Variants in STK32B observed in about 807,000 individuals in gnomAD.
STK32B encodes serine/threonine kinase 32B, also known as serine/threonine-protein kinase 32B.
A neutral mutation model predicts 52.6 loss-of-function variants in STK32B; 43 were observed. The ratio of observed to expected loss-of-function variants is 0.82; its 90% CI spans 0.64 to 1.05. The LOEUF is 1.05. Ranked by LOEUF, STK32B falls within the 50% of genes least tolerant of loss-of-function variation. The probability of loss-of-function intolerance (pLI) is 0.00; values close to 1 mark genes in which losing one functional copy is unlikely to be tolerated. For missense variants in STK32B, 621 were observed against 534.6 expected, an observed-to-expected ratio of 1.16 and a Z score of -1.59; for synonymous variants, 238 against 204.3, an observed-to-expected ratio of 1.17 and a Z score of -1.41.
At chr4:5,227,523 G>T (rs994797917) in intron 3 of STK32B, among the ~76,000 whole-genome samples, 2 of 152,036 alleles carry the variant, frequency 1.3e-5, no homozygotes, top group Admixed American at 1.3e-4. Context: ...TCTAAAAGAC[G>T]AATTTTCACT....
At chr4:5,298,659 G>A (rs2108893127) in intron 3 of STK32B, among the ~76,000 whole-genome samples, 1 of 152,236 alleles carries the variant, frequency 6.6e-6, no homozygotes, top group Non-Finnish European at 1.5e-5. Flanking sequence ...AGCATCACAG[G>A]TATTGACTTT....
At chr4:5,342,152 G>A (rs1436454504) in intron 4 of STK32B, among the ~76,000 whole-genome samples, 1 of 152,080 alleles carries the variant, frequency 6.6e-6, no homozygotes, top group Non-Finnish European at 1.5e-5. Context: ...ATTCCTCAAG[G>A]ATCTAGAACT....
At chr4:5,143,895 A>T (rs1279175636) in intron 2 of STK32B, among the ~76,000 whole-genome samples, 1 of 151,872 alleles carries the variant, frequency 6.6e-6, no homozygotes, top group Non-Finnish European at 1.5e-5. Flanking sequence ...TTGAATGCCC[A>T]CTCCAGCCTC....
chr4:5,255,541 G>A (rs1038271346), intron 3 of STK32B, among the ~76,000 whole-genome samples: 7 of 151,540 alleles, frequency 4.6e-5, no homozygotes, highest in Admixed American at 1.3e-4. Context: ...ATCAAGATAC[G>A]GAACATTATC....
rs529345427 is a variant in STK32B at position 5,078,789 on chromosome 4, C to T, written c.52+26874C>T. Among the ~76,000 whole-genome samples the T allele has an allele frequency of 5.3e-5, 8 of 152,260 alleles. No individual in the cohort carries two copies. The East Asian group carries it at 1.5e-3, about 29-fold the overall frequency. The stretch of plus-strand genomic sequence containing the variant: ...CCCACCTTTCCCAGAAGACCCCCTC[C>T]ACCCTCTATTACTCTTCTCCCAGAA... On this transcript the variant is annotated intron_variant, in intron 1 of 11. Transcript: ENST00000282908.
intron 3 of STK32B, among the ~76,000 whole-genome samples, chr4:5,240,022 C>T (rs184455611): frequency 1.7e-4 from 26 of 151,456 alleles, no homozygotes; most frequent in South Asian, 1.3e-3. Flanking sequence ...CTCTCTCTCC[C>T]TTTTTTTCTC....
intron 1 of STK32B, among the ~76,000 whole-genome samples, chr4:5,111,290 A>G (rs1714389559): frequency 6.6e-6 from 1 of 152,180 alleles, no homozygotes; most frequent in African/African-American, 2.4e-5. Flanking sequence ...ATAAATTATT[A>G]CACAAAAAAG....
intron 3 of STK32B, among the ~76,000 whole-genome samples, chr4:5,175,192 A>T (rs558932921): frequency 1.1e-3 from 167 of 151,348 alleles, no homozygotes; most frequent in African/African-American, 3.9e-3. Context: ...TATTCTAGTT[A>T]GCCATTCGTC....
At chr4:5,252,830 A>T (rs142154660) in intron 3 of STK32B, among the ~76,000 whole-genome samples, 1 of 152,180 alleles carries the variant, frequency 6.6e-6, no homozygotes, top group Non-Finnish European at 1.5e-5. Flanking sequence ...TGAAGGTTAC[A>T]TGCAGTGATT....
At chr4:5,233,743 G>C (rs1371728958) in intron 3 of STK32B, among the ~76,000 whole-genome samples, 1 of 151,454 alleles carries the variant, frequency 6.6e-6, no homozygotes, top group Non-Finnish European at 1.5e-5. Context: ...ACATGCGGGA[G>C]GAGGGACTTG....
chr4:5,230,178 CTTTTTTTTTTTTTTTTTTT>C (rs752036100), intron 3 of STK32B, among the ~76,000 whole-genome samples: 2 of 71,122 alleles, frequency 2.8e-5, no homozygotes, highest in African/African-American at 1.6e-4. Context: ...CATGCATTCC[CTTTTTTTTTTTTTTTTTTT>C]TTTTTTTTTT....
intron 2 of STK32B, among the ~76,000 whole-genome samples, chr4:5,151,600 C>G (rs1717369335): frequency 6.6e-6 from 1 of 152,166 alleles, no homozygotes; most frequent in African/African-American, 2.4e-5. Flanking sequence ...TGATTTTTAG[C>G]AATAATTTAC....
Position 5,210,045 on chromosome 4 carries a change from G to A in STK32B, c.260+41595G>A, listed in dbSNP as rs945535227. Among the ~76,000 whole-genome samples, 7 of 152,186 alleles carry A rather than the reference G, an allele frequency of 4.6e-5. No homozygotes were observed. In the East Asian group the frequency reaches 1.3e-3, roughly 29 times the overall value. On this transcript the variant is annotated intron_variant, in intron 3 of 11. Transcript: ENST00000282908. Reference sequence around the variant, plus strand: ...ACAATTCCTGGAAGGCTTAAATTGTGCGTCATTGAAGCTCTTCCATTGGAA... The same window carrying A: ...ACAATTCCTGGAAGGCTTAAATTGTACGTCATTGAAGCTCTTCCATTGGAA...
chr4:5,482,270 G>T (rs1340851775), intron 11 of STK32B, among the ~76,000 whole-genome samples: 1 of 152,136 alleles, frequency 6.6e-6, no homozygotes, highest in Non-Finnish European at 1.5e-5. Flanking sequence ...TTGAGCAGTG[G>T]TTTGTAGTTC....
chr4:5,440,169 C>T (rs2109107219), intron 6 of STK32B, among the ~76,000 whole-genome samples: 1 of 152,260 alleles, frequency 6.6e-6, no homozygotes, highest in South Asian at 2.1e-4. Context: ...ATGGGGATGG[C>T]ATTGAATCTG....
At chr4:5,418,663 G>A (rs1712362808) in intron 6 of STK32B, among the ~76,000 whole-genome samples, 1 of 152,250 alleles carries the variant, frequency 6.6e-6, no homozygotes, top group Non-Finnish European at 1.5e-5. Flanking sequence ...GGGATGAGGA[G>A]TCCACCATCT....
At chr4:5,215,538 G>T (rs1723134000) in intron 3 of STK32B, among the ~76,000 whole-genome samples, 1 of 152,118 alleles carries the variant, frequency 6.6e-6, no homozygotes, top group South Asian at 2.1e-4. Context: ...CTGGAGACAG[G>T]GGCTTCTTTG....
intron 3 of STK32B, among the ~76,000 whole-genome samples, chr4:5,285,039 T>C (rs1411572959): frequency 2.0e-5 from 3 of 152,230 alleles, no homozygotes; most frequent in Non-Finnish European, 2.9e-5. Context: ...AGATGTAAAC[T>C]TACAGTATCA....
At chr4:5,343,924 C>T (rs1349924750) in intron 4 of STK32B, among the ~76,000 whole-genome samples, 1 of 152,178 alleles carries the variant, frequency 6.6e-6, no homozygotes, top group Non-Finnish European at 1.5e-5. Flanking sequence ...GTTTTGCATT[C>T]TACTCCGTTA....
Sources: gnomAD v4.1 joint callset for allele counts (sites outside exome capture counted in the v4.1 genomes callset) on GRCh38, gnomAD v4.1.1 for gene constraint, MANE v1.5 for transcripts, NCBI Gene and HGNC (gene_info 2026-07-23, HGNC 2026-07-21) for gene names.